GLRA2: variants seen among roughly 807,000 people sequenced by gnomAD.
GLRA2 encodes glycine receptor alpha 2, also known as glycine receptor subunit alpha-2.
A neutral mutation model predicts 31.6 loss-of-function variants in GLRA2; 11 were observed. The ratio of observed to expected loss-of-function variants is 0.35; its 90% CI spans 0.22 to 0.58. The LOEUF is 0.58. Ranked by LOEUF, GLRA2 falls within the 20% of genes least tolerant of loss-of-function variation. The probability of loss-of-function intolerance (pLI) is 0.84; values close to 1 mark genes in which losing one functional copy is unlikely to be tolerated. For missense variants in GLRA2, 212 were observed against 351.8 expected (o/e 0.60, Z 3.18); for synonymous variants, 132 against 134.0 (o/e 0.99, Z 0.10).
chrX:14,489,553 C>A, the GLRA2 span, among the ~76,000 whole-genome samples: 3 of 112,275 alleles, frequency 2.7e-5, no homozygotes, highest in African/African-American at 9.7e-5. Flanking sequence ...GCCTTGCAGA[C>A]TGAATCCCAG....
At chrX:14,627,825 G>A (rs2090604889) in intron 7 of GLRA2, among the ~76,000 whole-genome samples, 1 of 111,864 alleles carries the variant, frequency 8.9e-6, no homozygotes, top group Non-Finnish European at 1.9e-5. Context: ...AAGTAAAAGA[G>A]TTCTTAAAAA....
chrX:14,585,276 T>A (rs910604384), intron 4 of GLRA2, among the ~76,000 whole-genome samples: 8 of 111,569 alleles, frequency 7.2e-5, no homozygotes, highest in Non-Finnish European at 1.5e-4. Context: ...GGTCTAGAGA[T>A]CCAGAACTAA....
At chrX:14,675,512 T>C (rs1416746087) in intron 7 of GLRA2, among the ~76,000 whole-genome samples, 11 of 111,937 alleles carry the variant, frequency 9.8e-5, no homozygotes, top group Non-Finnish European at 1.9e-4. Context: ...CTTGGAGGCA[T>C]TGCCACTCAG....
chrX:14,460,444 A>G, the GLRA2 span, among the ~76,000 whole-genome samples: 2 of 111,969 alleles, frequency 1.8e-5, no homozygotes, highest in Admixed American at 1.9e-4. Flanking sequence ...TTCAGAAGGA[A>G]TGGAACCAGC....
the GLRA2 span, among the ~76,000 whole-genome samples, chrX:14,487,481 C>T: frequency 9.6e-6 from 1 of 104,004 alleles, no homozygotes; most frequent in African/African-American, 3.5e-5. Context: ...CTATGGATTT[C>T]GTTGATCCTT....
the GLRA2 span, among the ~76,000 whole-genome samples, chrX:14,465,421 T>G: frequency 4.5e-5 from 5 of 112,348 alleles, no homozygotes; most frequent in Non-Finnish European, 9.4e-5. Context: ...ACTTCTTCTT[T>G]CCCAATTTGG....
At chrX:14,621,327 AT>A (rs764954626) in intron 7 of GLRA2, among the ~76,000 whole-genome samples, 53 of 107,599 alleles carry the variant, frequency 4.9e-4, no homozygotes, top group Non-Finnish European at 9.3e-4. Context: ...AGACATCAGC[AT>A]TTTTTTTTTA....
intron 8 of GLRA2, among the ~76,000 whole-genome samples, chrX:14,695,451 G>T (rs2091432172): frequency 8.9e-6 from 1 of 112,253 alleles, no homozygotes; most frequent in Non-Finnish European, 1.9e-5. Context: ...TTAAGAAGGT[G>T]AGAAAAAATA....
intron 4 of GLRA2, among the ~76,000 whole-genome samples, chrX:14,603,187 C>T (rs1370063696): frequency 5.5e-5 from 6 of 110,058 alleles, no homozygotes; most frequent in African/African-American, 2.0e-4. Context: ...TGATGTTGAG[C>T]ATTTTTTCAC....
At chrX:14,451,120 C>T in the GLRA2 span, among the ~76,000 whole-genome samples, 1 of 111,551 alleles carries the variant, frequency 9.0e-6, no homozygotes, top group African/African-American at 3.3e-5. Context: ...GAATTTGTTA[C>T]CAGCCTTACA....
chrX:14,489,346 G>A, the GLRA2 span, among the ~76,000 whole-genome samples: 1 of 111,038 alleles, frequency 9.0e-6, no homozygotes, highest in African/African-American at 3.3e-5. Flanking sequence ...TGCAGAATTG[G>A]GCCATCTCCT....
rs921305911 is a variant in GLRA2, at chrX:14,578,446, T to C, written c.271-2737T>C. Among the ~76,000 whole-genome samples the C allele has an allele frequency of 2.7e-5, 3 of 112,079 alleles. No individual in the cohort carries two copies. The Admixed American group carries it at 2.8e-4, about 11-fold the overall frequency. On this transcript the variant is annotated intron_variant, in intron 3 of 8. Coordinates refer to ENST00000218075, the MANE Select transcript of GLRA2 (RefSeq NM_002063.4). ...TTTTATGTATCATTATTTTTATGGA[T>C]ATATTATTCAAAAATGCATTTTTGT...
In GLRA2 at chrX:14,560,861, G is replaced by A. The variant is rs186770819; in HGVS notation, c.203-13472G>A. Among the ~76,000 whole-genome samples the A allele has an allele frequency of 2.8e-5, 3 of 106,532 alleles. No homozygotes were observed. In the East Asian group the frequency reaches 8.7e-4, roughly 31 times the overall value. The allele number at this position is 106,532 out of a possible 115,157, so 92.5% of individuals were successfully genotyped here. A position where few individuals can be genotyped will look rare whatever the true frequency, so the allele number is the denominator to read the frequency against. ...ATTTATTGTGAACTTAGAAATCTGT[G>A]GTAAATACAAACATATATATATATA... On this transcript the variant is annotated intron_variant, in intron 2 of 8. Transcript: ENST00000218075.
the GLRA2 span, among the ~76,000 whole-genome samples, chrX:14,457,829 G>T: frequency 4.5e-5 from 5 of 110,548 alleles, no homozygotes; most frequent in African/African-American, 9.9e-5. Flanking sequence ...GTGTAAAAGT[G>T]TTCCTATTTT....
chrX:14,657,971 C>T (rs892196432), intron 7 of GLRA2, among the ~76,000 whole-genome samples: 1 of 111,545 alleles, frequency 9.0e-6, no homozygotes, highest in South Asian at 3.8e-4. Context: ...TTCGATCCCC[C>T]TTCTGTATTA....
the GLRA2 span, among the ~76,000 whole-genome samples, chrX:14,491,859 CCA>C: frequency 9.0e-6 from 1 of 111,526 alleles, no homozygotes; most frequent in Non-Finnish European, 1.9e-5. Context: ...GAGACCAGCC[CCA>C]GTTTGGCAAA....
intron 2 of GLRA2, among the ~76,000 whole-genome samples, chrX:14,558,774 G>T (rs1163354007): frequency 9.0e-6 from 1 of 110,807 alleles, no homozygotes; most frequent in Non-Finnish European, 1.9e-5. Context: ...GATGCTATTT[G>T]GTTCTTGATA....
chrX:14,524,539 T>C (rs2089181486), upstream of GLRA2, among the ~76,000 whole-genome samples: 2 of 112,159 alleles, frequency 1.8e-5, no homozygotes, highest in African/African-American at 6.5e-5. Flanking sequence ...GGGTGTCTAT[T>C]GTAAATTAAT....
chrX:14,685,610 G>T (rs1163651918), intron 7 of GLRA2, among the ~76,000 whole-genome samples: 2 of 111,895 alleles, frequency 1.8e-5, no homozygotes, highest in Non-Finnish European at 3.8e-5. Context: ...GCGTAGAGGT[G>T]TTTATAGTAT....
Sources: allele counts gnomAD v4.1 joint callset (sites outside exome capture counted in the v4.1 genomes callset), GRCh38; gene constraint gnomAD v4.1.1; transcripts MANE v1.5; gene names NCBI Gene and HGNC (gene_info 2026-07-23, HGNC 2026-07-21).